Variants in MIER1 observed in about 807,000 individuals in gnomAD.
MIER1 encodes the protein MIER1 transcriptional regulator.
MIER1 carries 40 observed loss-of-function variants against 75.7 expected under a neutral mutation model. The ratio of observed to expected loss-of-function variants is 0.53; its 90% CI spans 0.41 to 0.69. MIER1 has a LOEUF of 0.69. Among genes scored for constraint, MIER1 ranks in the 30% least tolerant of loss-of-function variants. The pLI, the probability that MIER1 is intolerant of heterozygous loss-of-function variation, is 0.00. For missense variants in MIER1, 574 were observed against 680.2 expected (o/e 0.84, Z 1.74); for synonymous variants, 213 against 223.4 (o/e 0.95, Z 0.42).
chr1:66,927,350 A>G (rs552357512), intron 2 of MIER1, among the ~76,000 whole-genome samples: 1 of 152,122 alleles, frequency 6.6e-6, no homozygotes, highest in African/African-American at 2.4e-5. Flanking sequence ...ACCTCACATA[A>G]AATTGGAATT....
At chr1:66,945,285 A>G (rs898193945) in intron 3 of MIER1, among the ~76,000 whole-genome samples, 4 of 5,766 alleles carry the variant, frequency 6.9e-4, no homozygotes, top group East Asian at 0.014. Flanking sequence ...ATATATATAT[A>G]TATATATATA....
intron 4 of MIER1, chr1:66,947,921 T>G (rs1225408669): frequency 4.7e-5 from 46 of 985,342 alleles, no homozygotes; most frequent in African/African-American, 5.2e-5. Context: ...GGCCGGCTCC[T>G]TATCCTCTGG....
At chr1:66,980,600 A>G (rs1434353733) in intron 12 of MIER1, among the ~76,000 whole-genome samples, 1 of 152,164 alleles carries the variant, frequency 6.6e-6, no homozygotes, top group African/African-American at 2.4e-5. Context: ...CTTCTTATTT[A>G]CCCTGCTCAC....
chr1:66,971,694 G>C lies in MIER1; in HGVS notation c.964G>C (p.Glu322Gln), dbSNP rs756962796. ...ELVKCNFDTE[E>Q]ALRRLRFNVK... Reference sequence around the variant, plus strand: ...GGTTAAATGCAATTTTGATACAGAAGAAGCATTGAGAAGATTAAGATTTAA... The same window carrying C: ...GGTTAAATGCAATTTTGATACAGAACAAGCATTGAGAAGATTAAGATTTAA... Residue 322 changes from glutamate (E) to glutamine (Q), a missense_variant, in exon 10 of 14, where the codon GAA (glutamate) becomes CAA (glutamine). Transcript: ENST00000401041. 1.3e-6 allele frequency: 2 copies of C among 1,512,104 alleles called. No individual in the cohort carries two copies. The highest frequency in any genetic ancestry group is 1.8e-6 in the Non-Finnish European group (2 of 1,097,234). 93.7% of individuals were successfully genotyped at this position (1,512,104 alleles called of 1,614,324 possible). A position where few individuals can be genotyped will look rare whatever the true frequency, so the allele number is the denominator to read the frequency against.
chr1:66,982,437 A>G (rs913624498), intron 13 of MIER1, among the ~76,000 whole-genome samples: 1 of 152,226 alleles, frequency 6.6e-6, no homozygotes, highest in African/African-American at 2.4e-5. Context: ...CTCCAAGAAA[A>G]AGAGAAGAAA....
At chr1:66,971,496 A>G (rs926803760) in intron 9 of MIER1, among the ~76,000 whole-genome samples, 159 bp from the exon 10 acceptor site, 3 of 152,058 alleles carry the variant, frequency 2.0e-5, no homozygotes, top group East Asian at 3.8e-4. Context: ...GATCGAATTC[A>G]TATTTGTTTT....
chr1:66,930,705 T>C (rs1032558263), intron 2 of MIER1, among the ~76,000 whole-genome samples: 2 of 152,202 alleles, frequency 1.3e-5, no homozygotes, highest in Non-Finnish European at 2.9e-5. Flanking sequence ...GTGGCGCAAC[T>C]TCGCCGGCCG....
At chr1:66,961,826 A>G (rs1661309646) in intron 7 of MIER1, among the ~76,000 whole-genome samples, 1 of 152,238 alleles carries the variant, frequency 6.6e-6, no homozygotes, top group Non-Finnish European at 1.5e-5. Context: ...ATTCCATTGT[A>G]AGGGTAGAGA....
Position 66,986,621 on chromosome 1 carries a change from CT to C in MIER1, c.*1728del. ...TGCTTCCCTTCACCAATGTGAACAA[CT>C]TTTTTTCCCAAACAGTGTTAAAAGC... On this transcript the variant is annotated 3_prime_UTR_variant, in exon 14 of 14. Coordinates refer to ENST00000401041, the MANE Select transcript of MIER1 (RefSeq NM_001077700.3). The C allele has an allele frequency of 4.7e-6, 3 of 642,360 alleles. No homozygotes were observed. The highest frequency in any genetic ancestry group is 2.6e-5 in the East Asian group (1 of 37,834). 39.8% of individuals were successfully genotyped at this position (642,360 alleles called of 1,614,324 possible). A position where few individuals can be genotyped will look rare whatever the true frequency, so the allele number is the denominator to read the frequency against.
chr1:66,945,290 TATATATATATATATATATATATATATAA>T (rs1310913224), intron 3 of MIER1, among the ~76,000 whole-genome samples: 15 of 6,344 alleles, frequency 2.4e-3, no homozygotes, highest in African/African-American at 0.015. Context: ...TATATATATA[TATATATATATATATATATATATATATAA>T]AATACCTAAT....
Position 66,963,178 on chromosome 1 carries a change from T to C in MIER1, c.772+18T>C. On this transcript the variant is annotated intron_variant, in intron 8 of 13. Coordinates refer to ENST00000401041, the MANE Select transcript of MIER1 (RefSeq NM_001077700.3). ...TGAAAAAGGTGGGTTATTAGTAAAGTTACGTAGCTGAATTTATGCTTTCAG... is the reference window on the plus strand; with the variant it reads ...TGAAAAAGGTGGGTTATTAGTAAAGCTACGTAGCTGAATTTATGCTTTCAG... 1 of 1,486,954 alleles carries C rather than the reference T, an allele frequency of 6.7e-7. No homozygotes were observed. Among genetic ancestry groups the C allele is most frequent in the Non-Finnish European group, 9.4e-7 (1 of 1,064,980 alleles). The allele number at this position is 1,486,954 out of a possible 1,614,324, so 92.1% of individuals were successfully genotyped here.
chr1:66,942,726 A>G (rs1656537146), intron 3 of MIER1, among the ~76,000 whole-genome samples: 1 of 152,204 alleles, frequency 6.6e-6, no homozygotes, highest in Non-Finnish European at 1.5e-5. Flanking sequence ...AAAGAGAAAA[A>G]CTGAAAATTG....
At chr1:66,932,132 T>C (rs1245553635) in intron 2 of MIER1, among the ~76,000 whole-genome samples, 1 of 152,212 alleles carries the variant, frequency 6.6e-6, no homozygotes. Context: ...AACTTTTTTG[T>C]TTTAAAAATT....
At chr1:66,953,300 TCTTTA>T (rs938003142) in intron 4 of MIER1, among the ~76,000 whole-genome samples, 29 of 152,230 alleles carry the variant, frequency 1.9e-4, no homozygotes, top group African/African-American at 9.6e-5. Flanking sequence ...GCTTGCTAAA[TCTTTA>T]CTTCAGTTAG....
intron 8 of MIER1, among the ~76,000 whole-genome samples, chr1:66,966,524 G>GA (rs1406915598): frequency 6.6e-6 from 1 of 152,202 alleles, no homozygotes; most frequent in Non-Finnish European, 1.5e-5. Flanking sequence ...ATAGCAGCGT[G>GA]ATTTATAATC....
chr1:66,938,605 G>A (rs761919696), intron 2 of MIER1, among the ~76,000 whole-genome samples: 47 of 152,124 alleles, frequency 3.1e-4, no homozygotes, highest in Non-Finnish European at 6.3e-4. Context: ...TGTTAAGCAA[G>A]CTAGAAACCC....
chr1:66,975,721 C>T (rs901511322), intron 11 of MIER1, among the ~76,000 whole-genome samples: 10 of 152,212 alleles, frequency 6.6e-5, no homozygotes, highest in Admixed American at 2.6e-4. Context: ...TTCAGTTGCA[C>T]AAATAGGTAC....
intron 12 of MIER1, among the ~76,000 whole-genome samples, chr1:66,981,169 A>G (rs1353791448): frequency 1.3e-5 from 2 of 152,204 alleles, no homozygotes; most frequent in Admixed American, 6.5e-5. Context: ...CTGCTCACCA[A>G]TGTCACTTAA....
chr1:66,948,031 C>T (rs997275378), intron 4 of MIER1: 1 of 978,612 alleles, frequency 1.0e-6, no homozygotes, highest in Non-Finnish European at 1.2e-6. Flanking sequence ...CCACTGTCCC[C>T]TATTCAATGC....
Sources: allele counts gnomAD v4.1 joint callset (sites outside exome capture counted in the v4.1 genomes callset), GRCh38; gene constraint gnomAD v4.1.1; transcripts MANE v1.5; gene names NCBI Gene and HGNC (gene_info 2026-07-23, HGNC 2026-07-21).